The following GLRA3 variants were observed in gnomAD, a reference collection of about 807,000 sequenced individuals.
The protein encoded by GLRA3 is glycine receptor subunit alpha-3.
A neutral mutation model predicts 60.4 loss-of-function variants in GLRA3; 44 were observed. The observed-to-expected ratio is 0.73, with a 90% CI of 0.57 to 0.94. The LOEUF (loss-of-function observed/expected upper bound fraction) is 0.94. Ranked by LOEUF, GLRA3 falls within the 40% of genes least tolerant of loss-of-function variation. The pLI, the probability that GLRA3 is intolerant of heterozygous loss-of-function variation, is 0.00. For missense variants in GLRA3, 508 were observed against 564.6 expected, an observed-to-expected ratio of 0.90 and a Z score of 1.02; for synonymous variants, 223 against 192.9, an observed-to-expected ratio of 1.16 and a Z score of -1.29.
intron 1 of GLRA3, among the ~76,000 whole-genome samples, chr4:174,806,721 T>A (rs1396562474): frequency 6.6e-6 from 1 of 152,048 alleles, no homozygotes; most frequent in Non-Finnish European, 1.5e-5. Context: ...TATAAGGGAT[T>A]TGAACATCAG....
intron 1 of GLRA3, among the ~76,000 whole-genome samples, chr4:174,808,816 T>G (rs557233811): frequency 3.9e-5 from 6 of 152,122 alleles, no homozygotes; most frequent in Non-Finnish European, 8.8e-5. Flanking sequence ...AATTTAAACC[T>G]AGACAAAAGC....
chr4:174,796,240 C>T (rs546537206), intron 1 of GLRA3, among the ~76,000 whole-genome samples: 1 of 152,242 alleles, frequency 6.6e-6, no homozygotes, highest in Admixed American at 6.5e-5. Flanking sequence ...TACCAGGAAG[C>T]AGGCCCAAAA....
At position 174,751,218 on chromosome 4, in the gene GLRA3, A is replaced by G. The variant is rs897787713; in HGVS notation, c.267+15745T>C. On this transcript the variant is annotated intron_variant, in intron 3 of 9. Coordinates refer to ENST00000274093, the MANE Select transcript of GLRA3 (RefSeq NM_006529.4). ...CTGGTTAAAGCATGATAGAAACATC[A>G]TAAGTGTGGTGTAAATTTCACAAAG... is the stretch of plus-strand genomic sequence containing the variant. Among the ~76,000 whole-genome samples, 3 of 152,216 alleles carry G rather than the reference A, an allele frequency of 2.0e-5. No individual in the cohort carries two copies. The South Asian group carries it at 6.2e-4, about 32-fold the overall frequency.
intron 5 of GLRA3, among the ~76,000 whole-genome samples, chr4:174,687,778 T>C (rs79685747): frequency 0.058 from 8,856 of 152,246 alleles, 300 homozygotes; most frequent in South Asian, 0.12. Flanking sequence ...ATGAAGTGTG[T>C]CAGCTGTTTG....
intron 4 of GLRA3, among the ~76,000 whole-genome samples, chr4:174,717,787 T>C (rs1735981829): frequency 6.6e-6 from 1 of 152,232 alleles, no homozygotes; most frequent in Admixed American, 6.5e-5. Flanking sequence ...ACACAATGTT[T>C]TTTGCCTTGT....
At chr4:174,821,814 G>C (rs1046147312) in intron 1 of GLRA3, among the ~76,000 whole-genome samples, 1 of 152,018 alleles carries the variant, frequency 6.6e-6, no homozygotes, top group African/African-American at 2.4e-5. Context: ...TCTTGAAGTA[G>C]TTAATATCTT....
At chr4:174,811,623 C>T (rs1740280171) in intron 1 of GLRA3, among the ~76,000 whole-genome samples, 1 of 152,086 alleles carries the variant, frequency 6.6e-6, no homozygotes, top group South Asian at 2.1e-4. Context: ...ACTTACAAGT[C>T]ATAATTCTCT....
At chr4:174,681,359 T>C (rs4530608) in intron 6 of GLRA3, among the ~76,000 whole-genome samples, 147,921 of 152,286 alleles carry the variant, frequency 0.97, 71,991 homozygotes, top group East Asian at 1. Flanking sequence ...CCACCCAGAA[T>C]GTGTGAATGT....
intron 4 of GLRA3, among the ~76,000 whole-genome samples, chr4:174,724,768 C>T (rs567117094): frequency 3.9e-5 from 6 of 152,154 alleles, no homozygotes; most frequent in African/African-American, 9.6e-5. Context: ...CCTTTATTCC[C>T]GAAGGATATA....
At position 174,752,528 on chromosome 4, in the gene GLRA3, G is replaced by A. The variant is rs74363981; in HGVS notation, c.267+14435C>T. Among the ~76,000 whole-genome samples, 687 of 152,180 alleles carry A rather than the reference G, an allele frequency of 4.5e-3. 2 individuals are homozygous for A. Among genetic ancestry groups the A allele is most frequent in the Non-Finnish European group, 8.7e-3 (591 of 67,982 alleles). The stretch of plus-strand genomic sequence containing the variant: ...TCCATTGGAGAGAGAGAGAATGAGA[G>A]AAAGGGGTGGGTATGAGTCCTTATA... On this transcript the variant is annotated intron_variant, in intron 3 of 9. Coordinates refer to ENST00000274093, the MANE Select transcript of GLRA3 (RefSeq NM_006529.4).
At chr4:174,661,163 T>TCACA in intron 7 of GLRA3, among the ~76,000 whole-genome samples, 1 of 150,634 alleles carries the variant, frequency 6.6e-6, no homozygotes, top group East Asian at 1.9e-4. Flanking sequence ...GAGCTAGCAA[T>TCACA]CACACACACA....
chr4:174,773,818 A>T (rs548610543), intron 2 of GLRA3, among the ~76,000 whole-genome samples: 24 of 152,210 alleles, frequency 1.6e-4, no homozygotes, highest in Non-Finnish European at 3.2e-4. Context: ...CAAATGCTGC[A>T]CTAAAGTCAT....
At chr4:174,652,114 C>T (rs1348282897) in intron 9 of GLRA3, among the ~76,000 whole-genome samples, 2 of 151,978 alleles carry the variant, frequency 1.3e-5, no homozygotes, top group African/African-American at 4.8e-5. Context: ...AGAAGAAGCA[C>T]TGAAATATTT....
intron 3 of GLRA3, among the ~76,000 whole-genome samples, chr4:174,731,863 C>A (rs567479067): frequency 6.6e-6 from 1 of 152,058 alleles, no homozygotes; most frequent in Non-Finnish European, 1.5e-5. Context: ...TTTTACTAGG[C>A]AGGCATTGCA....
intron 3 of GLRA3, among the ~76,000 whole-genome samples, chr4:174,740,006 A>G (rs1736951464): frequency 6.6e-6 from 1 of 152,140 alleles, no homozygotes; most frequent in African/African-American, 2.4e-5. Context: ...TCGCCTCTGT[A>G]GGCTGACTTT....
chr4:174,789,436 G>A (rs368663035), intron 1 of GLRA3, among the ~76,000 whole-genome samples: 7 of 152,250 alleles, frequency 4.6e-5, no homozygotes, highest in African/African-American at 1.4e-4. Context: ...CAATTAGAGT[G>A]CTTCCTGAAT....
chr4:174,765,360 C>T lies in GLRA3; in HGVS notation c.267+1603G>A, dbSNP rs536233476. Among the ~76,000 whole-genome samples, 21 of 152,090 alleles carry T rather than the reference C, an allele frequency of 1.4e-4. 1 individual carries two copies. In the South Asian group the frequency reaches 4.2e-3, roughly 30 times the overall value. On this transcript the variant is annotated intron_variant, in intron 3 of 9. Coordinates refer to ENST00000274093, the MANE Select transcript of GLRA3 (RefSeq NM_006529.4). The stretch of plus-strand genomic sequence containing the variant: ...CCTATGCCCTCTCTTTTTTCCAAGT[C>T]CCTTCCCTCCCTACCCCATAAAGAT...
At chr4:174,667,374 T>C (rs1733720130) in intron 7 of GLRA3, among the ~76,000 whole-genome samples, 1 of 152,144 alleles carries the variant, frequency 6.6e-6, no homozygotes, top group Non-Finnish European at 1.5e-5. Context: ...GAGGAACCTG[T>C]GGATTATGAT....
intron 5 of GLRA3, among the ~76,000 whole-genome samples, chr4:174,685,979 A>C (rs1382659561): frequency 1.3e-5 from 2 of 152,248 alleles, no homozygotes; most frequent in Non-Finnish European, 2.9e-5. Context: ...ATTCCTTCAA[A>C]GACAAGCTTT....
Sources: allele counts gnomAD v4.1 joint callset (sites outside exome capture counted in the v4.1 genomes callset), GRCh38; gene constraint gnomAD v4.1.1; transcripts MANE v1.5; gene names NCBI Gene and HGNC (gene_info 2026-07-23, HGNC 2026-07-21).